CUX2: variants seen among roughly 807,000 people sequenced by gnomAD.
CUX2 encodes the protein homeobox protein cut-like 2.
In CUX2, 40 loss-of-function variants were observed where a neutral mutation model predicts 144.8. The ratio of observed to expected loss-of-function variants is 0.28; its 90% CI spans 0.21 to 0.36. The LOEUF is 0.36. Among genes scored for constraint, CUX2 ranks in the 10% least tolerant of loss-of-function variants. The pLI is 1.00. For missense variants in CUX2, 1,615 were observed against 1,994.0 expected, an observed-to-expected ratio of 0.81 and a Z score of 3.62; for synonymous variants, 827 against 875.6, an observed-to-expected ratio of 0.94 and a Z score of 0.98.
chr12:111,104,541 T>G (rs1228963992), intron 1 of CUX2, among the ~76,000 whole-genome samples: 1 of 152,234 alleles, frequency 6.6e-6, no homozygotes, highest in Non-Finnish European at 1.5e-5. Context: ...AAATTCCAGC[T>G]CTTCACCCTC....
Position 111,076,617 on chromosome 12 carries a change from G to A in CUX2, c.63+42377G>A, listed in dbSNP as rs149750960. On this transcript the variant is annotated intron_variant, in intron 1 of 21. Transcript: ENST00000261726. ...GGGTCTCTCAGTAGCTCAGAGCATA[G>A]ATACAACTCACCCTTCTCTCCATCA... Among the ~76,000 whole-genome samples, 433 of 152,304 alleles carry A rather than the reference G, an allele frequency of 2.8e-3. 2 individuals carry two copies. Among genetic ancestry groups the A allele is most frequent in the Non-Finnish European group, 4.8e-3 (327 of 68,022 alleles).
At chr12:111,256,719 G>A (rs1208016296) in intron 3 of CUX2, among the ~76,000 whole-genome samples, 1 of 152,170 alleles carries the variant, frequency 6.6e-6, no homozygotes. Flanking sequence ...ACTAACTAGT[G>A]CTCTCATCTT....
intron 1 of CUX2, among the ~76,000 whole-genome samples, chr12:111,106,846 A>G (rs1873635561): frequency 6.6e-6 from 1 of 152,208 alleles, no homozygotes; most frequent in South Asian, 2.1e-4. Flanking sequence ...GCTGTCCATT[A>G]TGGCCGGGAG....
At chr12:111,216,623 G>A (rs1046757272) in intron 2 of CUX2, among the ~76,000 whole-genome samples, 20 of 152,156 alleles carry the variant, frequency 1.3e-4, no homozygotes, top group Non-Finnish European at 2.1e-4. Flanking sequence ...AGCCTCCCTC[G>A]TAGCTGCTTC....
Position 111,338,315 on chromosome 12 carries a change from G to T in CUX2, c.3226G>T (p.Gly1076Cys). 1 of 1,612,524 alleles carries T rather than the reference G, an allele frequency of 6.2e-7. No individual in the cohort carries two copies. Among genetic ancestry groups the T allele is most frequent in the Non-Finnish European group, 8.5e-7 (1 of 1,179,214 alleles). Residue 1076 changes from glycine to cysteine, a missense_variant, in exon 20 of 22, where the codon GGT (glycine) becomes TGT (cysteine). Physicochemically the swap from Gly to Cys is radical, Grantham distance 159. Coordinates refer to ENST00000261726, the MANE Select transcript of CUX2 (RefSeq NM_015267.4). Reference protein sequence around the residue: ...GQRLFGESILGLTQGSVSDLL... With the variant: ...GQRLFGESILCLTQGSVSDLL... ...GCGGCTGTTTGGGGAAAGCATCCTGGGTCTGACACAGGGCTCCGTGTCTGA... is the reference window on the plus strand; with the variant it reads ...GCGGCTGTTTGGGGAAAGCATCCTGTGTCTGACACAGGGCTCCGTGTCTGA...
intron 1 of CUX2, chr12:111,099,677 C>T (rs890463242): frequency 8.8e-6 from 4 of 456,576 alleles, no homozygotes; most frequent in South Asian, 6.2e-5. Context: ...ATGTCTCTGC[C>T]AGCTTTGGGG....
intron 1 of CUX2, among the ~76,000 whole-genome samples, chr12:111,204,481 T>A (rs539337671): frequency 3.3e-5 from 5 of 152,330 alleles, no homozygotes; most frequent in South Asian, 4.1e-4. Flanking sequence ...GGCCTGGTCA[T>A]GCTCCTGGTC....
intron 3 of CUX2, among the ~76,000 whole-genome samples, chr12:111,236,375 T>C (rs1033205731): frequency 4.6e-5 from 7 of 152,310 alleles, no homozygotes; most frequent in African/African-American, 1.7e-4. Flanking sequence ...ATACTGACTT[T>C]AGAAATCATT....
chr12:111,201,762 C>G (rs1372298708), intron 1 of CUX2, among the ~76,000 whole-genome samples: 1 of 152,206 alleles, frequency 6.6e-6, no homozygotes, highest in African/African-American at 2.4e-5. Flanking sequence ...CTTCCCACCC[C>G]CAGATGCTCC....
At chr12:111,044,338 GC>G (rs1437679752) in intron 1 of CUX2, among the ~76,000 whole-genome samples, 1 of 151,954 alleles carries the variant, frequency 6.6e-6, no homozygotes, top group Non-Finnish European at 1.5e-5. Context: ...GTCCTTACTT[GC>G]CCTCAGGTTT....
chr12:111,192,677 G>A (rs1879971171), intron 1 of CUX2, among the ~76,000 whole-genome samples: 1 of 152,224 alleles, frequency 6.6e-6, no homozygotes, highest in Non-Finnish European at 1.5e-5. Context: ...AAAAGTCCTG[G>A]TTAAGTCAGC....
chr12:111,224,452 C>T (rs1289542019), intron 3 of CUX2, among the ~76,000 whole-genome samples: 3 of 151,248 alleles, frequency 2.0e-5, no homozygotes, highest in Non-Finnish European at 4.4e-5. Flanking sequence ...CTGTGCCCCC[C>T]TTCTGCTCCG....
intron 3 of CUX2, among the ~76,000 whole-genome samples, chr12:111,252,662 C>T (rs2097658): frequency 0.41 from 61,941 of 151,686 alleles, 18,065 homozygotes; most frequent in African/African-American, 0.83. Flanking sequence ...TTATATTATT[C>T]ATGGTTTGTT....
chr12:111,262,102 T>G (rs1204366457), intron 3 of CUX2, among the ~76,000 whole-genome samples: 2 of 152,158 alleles, frequency 1.3e-5, no homozygotes, highest in Non-Finnish European at 2.9e-5. Context: ...GGCCACCCTG[T>G]GCTTTTCTGC....
intron 1 of CUX2, among the ~76,000 whole-genome samples, chr12:111,199,821 GTGTC>G (rs928060127): frequency 2.0e-5 from 3 of 152,028 alleles, no homozygotes; most frequent in Non-Finnish European, 2.9e-5. Context: ...GGATCTCTGT[GTGTC>G]TGTGTGTATG....
At chr12:111,330,035 C>T (rs1888019284) in intron 18 of CUX2, among the ~76,000 whole-genome samples, 1 of 152,164 alleles carries the variant, frequency 6.6e-6, no homozygotes, top group Non-Finnish European at 1.5e-5. Flanking sequence ...ACTGGCCCTC[C>T]CACACCAACA....
At chr12:111,303,428 G>C (rs982816627) in intron 9 of CUX2, among the ~76,000 whole-genome samples, 1 of 151,894 alleles carries the variant, frequency 6.6e-6, no homozygotes, top group Non-Finnish European at 1.5e-5. Flanking sequence ...CTGAGGTCAG[G>C]AGTTCAAGAC....
rs1881406600 is a variant in CUX2 at position 111,214,278 on chromosome 12, C to T, written c.142C>T (p.Leu48Phe). Residue 48 changes from leucine (L) to phenylalanine (F), a missense_variant, in exon 2 of 22, where the codon CTC becomes TTC. Leu to Phe is a conservative substitution (Grantham distance 22). Coordinates refer to ENST00000261726, the MANE Select transcript of CUX2 (RefSeq NM_015267.4). ...ACATTCTCATAAACATTTAATTGAA[C>T]TCCGCCGGGAATTTAAGAAAAATGT... is the stretch of plus-strand genomic sequence containing the variant. ...SEHSHKHLIE[L>F]RREFKKNVPE... 6.2e-7 allele frequency: 1 copy of T among 1,606,436 alleles called. No individual in the cohort carries two copies. Among genetic ancestry groups the T allele is most frequent in the South Asian group, 1.1e-5 (1 of 90,098 alleles).
chr12:111,069,209 G>A (rs536651311), intron 1 of CUX2, among the ~76,000 whole-genome samples: 1 of 152,292 alleles, frequency 6.6e-6, no homozygotes, highest in African/African-American at 2.4e-5. Context: ...TAGGTTTAGT[G>A]AAGACAGTAT....
Sources: gnomAD v4.1 joint callset for allele counts (sites outside exome capture counted in the v4.1 genomes callset) on GRCh38, gnomAD v4.1.1 for gene constraint, MANE v1.5 for transcripts, NCBI Gene and HGNC (gene_info 2026-07-23, HGNC 2026-07-21) for gene names.